Variants in CTIF observed in about 807,000 individuals in gnomAD.
CTIF encodes the protein cap binding complex dependent translation initiation factor.
CTIF carries 21 observed loss-of-function variants against 66.0 expected under a neutral mutation model. That is an observed-to-expected ratio of 0.32 (90% CI 0.23 to 0.46). CTIF has a LOEUF of 0.46. Among genes scored for constraint, CTIF ranks in the 20% least tolerant of loss-of-function variants. The probability of loss-of-function intolerance (pLI) is 1.00; values close to 1 mark genes in which losing one functional copy is unlikely to be tolerated. For missense variants in CTIF, 739 were observed against 812.7 expected, an observed-to-expected ratio of 0.91 and a Z score of 1.10; for synonymous variants, 345 against 326.4, an observed-to-expected ratio of 1.06 and a Z score of -0.62.
At chr18:48,662,965 G>A (rs1180588309) in intron 3 of CTIF, among the ~76,000 whole-genome samples, 5 of 152,112 alleles carry the variant, frequency 3.3e-5, no homozygotes, top group African/African-American at 4.8e-5. Flanking sequence ...TGCTGTATAC[G>A]CTTTCTGTAC....
At chr18:48,795,705 A>T (rs1376132306) in intron 9 of CTIF, among the ~76,000 whole-genome samples, 2 of 152,182 alleles carry the variant, frequency 1.3e-5, no homozygotes, top group Non-Finnish European at 2.9e-5. Context: ...ACACTTGGGT[A>T]TACTTTCTCT....
intron 9 of CTIF, among the ~76,000 whole-genome samples, chr18:48,794,983 C>A (rs2067881493): frequency 6.6e-6 from 1 of 152,180 alleles, no homozygotes; most frequent in African/African-American, 2.4e-5. Context: ...ACTATAGACT[C>A]CACATTAGCT....
At chr18:48,740,199 C>G (rs926700087) in intron 7 of CTIF, among the ~76,000 whole-genome samples, 1 of 152,232 alleles carries the variant, frequency 6.6e-6, no homozygotes, top group Admixed American at 6.5e-5. Flanking sequence ...CCTTCTTTCT[C>G]TCTCTGCTCA....
intron 9 of CTIF, among the ~76,000 whole-genome samples, chr18:48,763,042 A>C (rs1409741318): frequency 6.6e-6 from 1 of 152,110 alleles, no homozygotes; most frequent in Non-Finnish European, 1.5e-5. Flanking sequence ...TACCTGAGGG[A>C]TTTGCACATG....
At chr18:48,649,650 C>G (rs111452345) in intron 3 of CTIF, among the ~76,000 whole-genome samples, 3,604 of 152,318 alleles carry the variant, frequency 0.024, 48 homozygotes, top group Middle Eastern at 0.054. Context: ...ACTGCCTCCT[C>G]AAGTGGGTCC....
intron 5 of CTIF, among the ~76,000 whole-genome samples, chr18:48,666,840 G>T (rs1432243742): frequency 6.6e-6 from 1 of 152,168 alleles, no homozygotes; most frequent in Non-Finnish European, 1.5e-5. Flanking sequence ...AGCTGCACAG[G>T]GCTGGGCCTC....
intron 1 of CTIF, among the ~76,000 whole-genome samples, chr18:48,606,095 T>C (rs1252192366): frequency 1.3e-5 from 2 of 152,228 alleles, no homozygotes; most frequent in Non-Finnish European, 2.9e-5. Flanking sequence ...TACAAGGTAG[T>C]GGATATGGCT....
At position 48,853,869 on chromosome 18, in the gene CTIF, T is replaced by C. The variant is rs533086059; in HGVS notation, c.1528-3719T>C. On this transcript the variant is annotated intron_variant, in intron 10 of 11. Transcript: ENST00000256413. ...GAATGCAGATTTTGAGCCAGCAACATGACCAGTCCCCAGGGTTGGCTGGGC... is the reference window on the plus strand; with the variant it reads ...GAATGCAGATTTTGAGCCAGCAACACGACCAGTCCCCAGGGTTGGCTGGGC... 2.0e-5 allele frequency among the ~76,000 whole-genome samples: 3 copies of C among 152,304 alleles called. No individual in the cohort carries two copies. The South Asian group carries it at 6.2e-4, about 32-fold the overall frequency.
intron 7 of CTIF, among the ~76,000 whole-genome samples, chr18:48,714,975 T>A: frequency 6.6e-6 from 1 of 152,350 alleles, no homozygotes; most frequent in African/African-American, 2.4e-5. Flanking sequence ...TCAAGGTAAG[T>A]GTGGAGCACA....
chr18:48,844,176 G>T (rs1246614149), intron 10 of CTIF, among the ~76,000 whole-genome samples: 1 of 152,222 alleles, frequency 6.6e-6, no homozygotes, highest in Non-Finnish European at 1.5e-5. Context: ...GAGCACAGAA[G>T]AAGCTTCCAG....
chr18:48,770,538 T>C (rs1286054283), intron 9 of CTIF, among the ~76,000 whole-genome samples: 1 of 152,204 alleles, frequency 6.6e-6, no homozygotes, highest in Non-Finnish European at 1.5e-5. Context: ...CATTGCCCTG[T>C]GTTGTTAGGA....
At chr18:48,651,508 A>T (rs1222189946) in intron 3 of CTIF, among the ~76,000 whole-genome samples, 1 of 152,062 alleles carries the variant, frequency 6.6e-6, no homozygotes, top group Non-Finnish European at 1.5e-5. Context: ...CTCCCACACA[A>T]TAATAACGGG....
intron 7 of CTIF, among the ~76,000 whole-genome samples, chr18:48,714,906 G>A (rs951676466): frequency 1.3e-5 from 2 of 152,206 alleles, no homozygotes; most frequent in African/African-American, 2.4e-5. Flanking sequence ...CTAGAAACAC[G>A]GTCTTAGTGT....
chr18:48,594,694 G>C (rs2089958146), intron 1 of CTIF, among the ~76,000 whole-genome samples: 2 of 152,342 alleles, frequency 1.3e-5, no homozygotes, highest in South Asian at 4.1e-4. Flanking sequence ...ACCCACAGCA[G>C]ATAACTGTCC....
At chr18:48,585,371 T>C (rs1439841342) in intron 1 of CTIF, among the ~76,000 whole-genome samples, 1 of 152,254 alleles carries the variant, frequency 6.6e-6, no homozygotes, top group Non-Finnish European at 1.5e-5. Context: ...ACCCTACCTC[T>C]GGATCCCCAA....
chr18:48,592,794 G>T (rs1368896754), intron 1 of CTIF, among the ~76,000 whole-genome samples: 1 of 152,150 alleles, frequency 6.6e-6, no homozygotes, highest in Non-Finnish European at 1.5e-5. Flanking sequence ...CTCATCAGCC[G>T]GGAAGAATCC....
chr18:48,801,145 C>T (rs975164763), intron 9 of CTIF, among the ~76,000 whole-genome samples: 3 of 152,220 alleles, frequency 2.0e-5, no homozygotes, highest in African/African-American at 7.2e-5. Flanking sequence ...TCACTGAGTC[C>T]AGTGGGGCAG....
chr18:48,822,126 A>G (rs2068496342), intron 10 of CTIF, among the ~76,000 whole-genome samples: 1 of 152,188 alleles, frequency 6.6e-6, no homozygotes, highest in African/African-American at 2.4e-5. Flanking sequence ...ATCAGAGTTC[A>G]TCCATGTTGT....
chr18:48,859,336 G>C lies in CTIF; in HGVS notation c.1582-8G>C, dbSNP rs770788695. 12 of 1,613,384 alleles carry C rather than the reference G, an allele frequency of 7.4e-6. No individual in the cohort carries two copies. In the South Asian group the frequency reaches 9.9e-5, roughly 13 times the overall value. ...GAGGCCATCCTAACCCCACATCTCT[G>C]TCTGCAGCTGCAGAGTACAGGCCGG... On this transcript the variant is annotated splice_region_variant and splice_polypyrimidine_tract_variant and intron_variant, in intron 11 of 11. Transcript: ENST00000256413.
Sources: gnomAD v4.1 joint callset for allele counts (sites outside exome capture counted in the v4.1 genomes callset) on GRCh38, gnomAD v4.1.1 for gene constraint, MANE v1.5 for transcripts, NCBI Gene and HGNC (gene_info 2026-07-23, HGNC 2026-07-21) for gene names.